Variants in DOK6 observed in about 807,000 individuals in gnomAD.
The protein encoded by DOK6 is docking protein 6.
Under a neutral mutation model 44.0 loss-of-function variants are expected in DOK6, and 22 were observed. That is an observed-to-expected ratio of 0.50 (90% CI 0.36 to 0.71). DOK6 has a LOEUF of 0.71. Among genes scored for constraint, DOK6 ranks in the 30% least tolerant of loss-of-function variants. The probability of loss-of-function intolerance (pLI) is 0.00; values close to 1 mark genes in which losing one functional copy is unlikely to be tolerated. For synonymous variants in DOK6, 166 were observed against 145.5 expected (o/e 1.14, Z -1.01); for missense variants, 340 against 416.4 (o/e 0.82, Z 1.60).
At position 69,762,153 on chromosome 18, in the gene DOK6, A is replaced by G. The variant is rs1042316091; in HGVS notation, c.856+4280A>G. 1.3e-4 allele frequency among the ~76,000 whole-genome samples: 14 copies of G among 105,636 alleles called. 1 individual carries two copies. Among genetic ancestry groups the G allele is most frequent in the Admixed American group, 6.9e-4 (8 of 11,576 alleles). The allele number at this position is 105,636 out of a possible 152,430, so 69.3% of individuals were successfully genotyped here. A position where few individuals can be genotyped will look rare whatever the true frequency, so the allele number is the denominator to read the frequency against. The stretch of plus-strand genomic sequence containing the variant: ...AGTGAGACTCCATCTCTGCATGCAT[A>G]CATACATACATACATACATACATAC... On this transcript the variant is annotated intron_variant, in intron 7 of 7. Coordinates refer to ENST00000382713, the MANE Select transcript of DOK6 (RefSeq NM_152721.6).
At chr18:69,711,796 C>T (rs1044907152) in intron 5 of DOK6, among the ~76,000 whole-genome samples, 1 of 152,166 alleles carries the variant, frequency 6.6e-6, no homozygotes, top group Non-Finnish European at 1.5e-5. Flanking sequence ...AACAATACCA[C>T]TTTGTATCAG....
chr18:69,465,457 T>TC (rs1267266016), intron 1 of DOK6, among the ~76,000 whole-genome samples: 2 of 149,376 alleles, frequency 1.3e-5, no homozygotes, highest in Non-Finnish European at 3.0e-5. Context: ...CCCTCCCCGC[T>TC]CCCCCCACCC....
At chr18:69,809,535 T>C (rs1218390988) in intron 7 of DOK6, among the ~76,000 whole-genome samples, 2 of 149,628 alleles carry the variant, frequency 1.3e-5, no homozygotes, top group South Asian at 2.1e-4. Flanking sequence ...TGATCTTATA[T>C]ATAGAAAACC....
intron 1 of DOK6, among the ~76,000 whole-genome samples, chr18:69,455,594 C>T (rs1979613129): frequency 6.6e-6 from 1 of 152,100 alleles, no homozygotes; most frequent in South Asian, 2.1e-4. Flanking sequence ...TGTGGAGTCA[C>T]AATTGTATAT....
intron 7 of DOK6, among the ~76,000 whole-genome samples, chr18:69,840,027 A>G (rs1982170720): frequency 2.0e-5 from 3 of 152,134 alleles, no homozygotes; most frequent in Non-Finnish European, 4.4e-5. Flanking sequence ...TTAGCCTTTT[A>G]CCACCCAGTT....
At chr18:69,624,514 G>A (rs985895714) in intron 3 of DOK6, among the ~76,000 whole-genome samples, 5 of 151,998 alleles carry the variant, frequency 3.3e-5, no homozygotes, top group Non-Finnish European at 7.4e-5. Flanking sequence ...TTGTTTAGTG[G>A]CATTTTTCAC....
At chr18:69,734,406 A>AAAAAAAC in intron 5 of DOK6, among the ~76,000 whole-genome samples, 1 of 149,706 alleles carries the variant, frequency 6.7e-6, no homozygotes, top group Non-Finnish European at 1.5e-5. Context: ...AAAAAAAAAA[A>AAAAAAAC]AAAAAAAAAA....
Position 69,825,799 on chromosome 18 carries a change from G to T in DOK6, c.857-15445G>T, listed in dbSNP as rs532434214. On this transcript the variant is annotated intron_variant, in intron 7 of 7. Coordinates refer to ENST00000382713, the MANE Select transcript of DOK6 (RefSeq NM_152721.6). ...AACGTAAAGAGATAACAAATGTTTG[G>T]GAAAAAATATTCTCATAGTCAAGTA... Among the ~76,000 whole-genome samples, 21 of 151,676 alleles carry T rather than the reference G, an allele frequency of 1.4e-4. No homozygotes were observed. The South Asian group carries it at 4.2e-3, about 30-fold the overall frequency.
chr18:69,719,571 G>C (rs995196509), intron 5 of DOK6, among the ~76,000 whole-genome samples: 1 of 152,158 alleles, frequency 6.6e-6, no homozygotes. Flanking sequence ...CTGCATCTTA[G>C]CAGATTTCAG....
At chr18:69,569,562 C>T (rs1453074173) in intron 2 of DOK6, among the ~76,000 whole-genome samples, 2 of 152,068 alleles carry the variant, frequency 1.3e-5, no homozygotes, top group Non-Finnish European at 2.9e-5. Flanking sequence ...AGAAAATCAG[C>T]AAATGTTCAA....
intron 1 of DOK6, among the ~76,000 whole-genome samples, chr18:69,419,286 A>T (rs538670681): frequency 1.3e-5 from 2 of 152,288 alleles, no homozygotes; most frequent in South Asian, 4.1e-4. Flanking sequence ...GCACATAGCT[A>T]TCTTGATACT....
At chr18:69,794,660 G>A (rs1225765890) in intron 7 of DOK6, among the ~76,000 whole-genome samples, 1 of 152,126 alleles carries the variant, frequency 6.6e-6, no homozygotes, top group Non-Finnish European at 1.5e-5. Flanking sequence ...GACCAATACT[G>A]GTTTATGGCC....
intron 1 of DOK6, among the ~76,000 whole-genome samples, chr18:69,419,598 A>C (rs1978428542): frequency 6.6e-6 from 1 of 152,168 alleles, no homozygotes; most frequent in Non-Finnish European, 1.5e-5. Context: ...TCTGTAATGT[A>C]TCTGGTAGGT....
chr18:69,700,181 A>G (rs960587382), intron 5 of DOK6, among the ~76,000 whole-genome samples: 8 of 146,620 alleles, frequency 5.5e-5, no homozygotes. Context: ...GTGGGGACAG[A>G]GTCAAACCAT....
intron 3 of DOK6, among the ~76,000 whole-genome samples, chr18:69,619,185 G>A (rs768026560): frequency 6.6e-6 from 1 of 152,196 alleles, no homozygotes; most frequent in African/African-American, 2.4e-5. Flanking sequence ...AGAAGAACGT[G>A]GAACGCAATA....
intron 1 of DOK6, among the ~76,000 whole-genome samples, chr18:69,560,625 A>AAATT (rs1278234187): frequency 6.6e-6 from 1 of 152,166 alleles, no homozygotes; most frequent in Non-Finnish European, 1.5e-5. Context: ...TGTAAAGTAC[A>AAATT]TGTAAATACC....
chr18:69,701,141 T>C (rs947653778), intron 5 of DOK6, among the ~76,000 whole-genome samples: 4 of 152,256 alleles, frequency 2.6e-5, no homozygotes, highest in African/African-American at 9.6e-5. Flanking sequence ...ACATCGTTTA[T>C]TCTGGAGAAG....
At chr18:69,434,194 G>C (rs1045200504) in intron 1 of DOK6, among the ~76,000 whole-genome samples, 12 of 152,170 alleles carry the variant, frequency 7.9e-5, no homozygotes, top group Non-Finnish European at 1.6e-4. Context: ...TGATGTTTGA[G>C]ATGTGGTTTT....
intron 3 of DOK6, among the ~76,000 whole-genome samples, chr18:69,612,600 TTCCCCCTCACGCTGCTTAGTGTCTTTG>T (rs1984186208): frequency 4.0e-5 from 2 of 49,734 alleles, no homozygotes; most frequent in African/African-American, 1.7e-4. Flanking sequence ...TCCTGCTTTG[TTCCCCCTCACGCTGCTTAGTGTCTTTG>T]CTCCCCACTC....
Sources: gnomAD v4.1 joint callset for allele counts (sites outside exome capture counted in the v4.1 genomes callset) on GRCh38, gnomAD v4.1.1 for gene constraint, MANE v1.5 for transcripts, NCBI Gene and HGNC (gene_info 2026-07-23, HGNC 2026-07-21) for gene names.